TNFRSF10C: variants seen among roughly 807,000 people sequenced by gnomAD.
The protein encoded by TNFRSF10C is TNF receptor superfamily member 10c.
In TNFRSF10C, 17 loss-of-function variants were observed where a neutral mutation model predicts 16.7. The observed-to-expected ratio is 1.02, with a 90% confidence interval of 0.70 to 1.53. TNFRSF10C has a LOEUF of 1.53. Ranked by LOEUF, TNFRSF10C falls within the 40% of genes most tolerant of loss-of-function variation. TNFRSF10C has a pLI of 0.00. For synonymous variants in TNFRSF10C, 73 were observed against 119.7 expected (o/e 0.61, Z 2.55); for missense variants, 237 against 329.7 (o/e 0.72, Z 2.18).
intron 4 of TNFRSF10C, 118 bp from the exon 5 acceptor site, chr8:23,116,523 G>T: frequency 2.9e-6 from 4 of 1,392,662 alleles, no homozygotes; most frequent in Non-Finnish European, 3.9e-6. Flanking sequence ...CCAGACAGGA[G>T]CCTGTCCTTC....
chr8:23,103,057 C>T lies in TNFRSF10C; in HGVS notation c.-65C>T, dbSNP rs1256974553. 6.3e-7 allele frequency: 1 copy of T among 1,580,794 alleles called. No homozygotes were observed. The highest frequency in any genetic ancestry group is 8.6e-7 in the Non-Finnish European group (1 of 1,163,776). On this transcript the variant is annotated 5_prime_UTR_variant, in exon 1 of 5. Coordinates refer to ENST00000356864, the MANE Select transcript of TNFRSF10C (RefSeq NM_003841.5). The stretch of plus-strand genomic sequence containing the variant: ...TTAGGGAACTCTGGGGACAGAGCGC[C>T]CCGGCCGCCTGATGGCCGAGGCAGG...
Position 23,111,733 on chromosome 8 carries a change from C to T in TNFRSF10C, c.74C>T (p.Ser25Phe). The change falls in exon 2 of 5, where the codon TCT becomes TTT. Residue 25 changes from serine to phenylalanine, a missense_variant. Physicochemically the swap from Ser to Phe is radical, Grantham distance 155. Around this residue, in one of 2 missense-constraint regions of TNFRSF10C, gnomAD observed 212 missense variants for 196.8 expected, o/e 1.08. Transcript: ENST00000356864. ...VAVLLPVLAY[S>F]ATTARQEEVP... The stretch of plus-strand genomic sequence containing the variant: ...TTGTCCCCACAGGTCCTAGCTTACT[C>T]TGCCACCACTGCCCGGCAGGAGGAA... 1 of 1,613,940 alleles carries T rather than the reference C, an allele frequency of 6.2e-7. No homozygotes were observed. Among genetic ancestry groups the T allele is most frequent in the South Asian group, 1.1e-5 (1 of 91,046 alleles).
chr8:23,103,260 G>A (rs747998096), intron 1 of TNFRSF10C, 79 bp downstream of exon 1: 204 of 1,561,730 alleles, frequency 1.3e-4, no homozygotes, highest in Non-Finnish European at 1.6e-4. Context: ...GGACACGGCA[G>A]GGATGCCTGG....
In TNFRSF10C at chr8:23,103,102, A is replaced by T; in HGVS notation, c.-20A>T. On this transcript the variant is annotated 5_prime_UTR_variant, in exon 1 of 5. Coordinates refer to ENST00000356864, the MANE Select transcript of TNFRSF10C (RefSeq NM_003841.5). ...GGCAGGGTGCGACCCAGGACCCAGG[A>T]CGGCGTCGGGAACCATACCATGGCC... is the stretch of plus-strand genomic sequence containing the variant. 2 of 1,607,888 alleles carry T rather than the reference A, an allele frequency of 1.2e-6. No homozygotes were observed. The highest frequency in any genetic ancestry group is 1.7e-6 in the Non-Finnish European group (2 of 1,177,636).
intron 2 of TNFRSF10C, among the ~76,000 whole-genome samples, chr8:23,112,962 C>CCAT (rs35714727): frequency 0.94 from 143,433 of 152,052 alleles, 67,730 homozygotes; most frequent in African/African-American, 0.99. Context: ...CTTTTTCTCC[C>CCAT]CATCATCAAC....
At chr8:23,104,100 G>A (rs1813723634) in intron 1 of TNFRSF10C, among the ~76,000 whole-genome samples, 1 of 152,200 alleles carries the variant, frequency 6.6e-6, no homozygotes, top group Non-Finnish European at 1.5e-5. Context: ...TATAGTGGGT[G>A]GACTTACCTG....
chr8:23,114,176 G>A (rs540068665), intron 2 of TNFRSF10C, among the ~76,000 whole-genome samples: 2 of 152,238 alleles, frequency 1.3e-5, no homozygotes, highest in East Asian at 1.9e-4. Flanking sequence ...GGTTTCGGGG[G>A]CTTGGGGAGA....
At chr8:23,107,883 G>A (rs1013993593) in intron 1 of TNFRSF10C, among the ~76,000 whole-genome samples, 5 of 152,232 alleles carry the variant, frequency 3.3e-5, no homozygotes, top group African/African-American at 7.2e-5. Flanking sequence ...GATGTTGTCT[G>A]TTGAAAGTAA....
At chr8:23,110,317 G>T (rs1372683206) in intron 1 of TNFRSF10C, among the ~76,000 whole-genome samples, 1 of 152,148 alleles carries the variant, frequency 6.6e-6, no homozygotes, top group Admixed American at 6.6e-5. Flanking sequence ...GCTACATTTT[G>T]TCTTGTTTAG....
intron 4 of TNFRSF10C, 138 bp from the exon 5 acceptor site, chr8:23,116,503 G>C: frequency 8.0e-7 from 1 of 1,249,450 alleles, no homozygotes; most frequent in Non-Finnish European, 1.1e-6. Flanking sequence ...GGGAACTTGG[G>C]GGACCCCCTC....
intron 1 of TNFRSF10C, among the ~76,000 whole-genome samples, chr8:23,105,452 G>A (rs1376938964): frequency 6.6e-6 from 1 of 152,196 alleles, no homozygotes; most frequent in Non-Finnish European, 1.5e-5. Context: ...GAAGACTAGG[G>A]TGGAGCACCA....
At position 23,114,639 on chromosome 8, in the gene TNFRSF10C, T is replaced by C. The variant is rs1292648175; in HGVS notation, c.167-18T>C. The C allele has an allele frequency of 1.2e-6, 2 of 1,604,202 alleles. No homozygotes were observed. Among genetic ancestry groups the C allele is most frequent in the Admixed American group, 1.7e-5 (1 of 59,944 alleles). On this transcript the variant is annotated intron_variant, in intron 2 of 4. Transcript: ENST00000356864. ...ATTCTGTGGTGACTCATTCATTGGC[T>C]TTTCTCTTCCTTCCCAGGATCTCAT...
intron 1 of TNFRSF10C, among the ~76,000 whole-genome samples, chr8:23,108,929 A>G (rs1813826546): frequency 6.6e-6 from 1 of 151,762 alleles, no homozygotes; most frequent in African/African-American, 2.4e-5. Context: ...AATCAGTAAC[A>G]ATATCCACAG....
rs1814009327 is a variant in TNFRSF10C at position 23,117,240 on chromosome 8, C to G, written c.*209C>G. 2 of 732,102 alleles carry G rather than the reference C, an allele frequency of 2.7e-6. No individual in the cohort carries two copies. Among genetic ancestry groups the G allele is most frequent in the Non-Finnish European group, 4.4e-6 (2 of 458,378 alleles). 45.4% of individuals were successfully genotyped at this position (732,102 alleles called of 1,614,324 possible). On this transcript the variant is annotated 3_prime_UTR_variant, in exon 5 of 5. Transcript: ENST00000356864. ...CGTCCCATCCCCACATCCCGTGCACCCCCCAGGACCCTGGTCTCATCAGTC... is the reference window on the plus strand; with the variant it reads ...CGTCCCATCCCCACATCCCGTGCACGCCCCAGGACCCTGGTCTCATCAGTC...
Position 23,117,353 on chromosome 8 carries a change from A to AG in TNFRSF10C, c.*327dup. ...CTCCCATCTTCAGGCCCAGCCAGGC[A>AG]GGGGGCAGTCGGCTCCTCAACTGGG... On this transcript the variant is annotated 3_prime_UTR_variant, in exon 5 of 5. Transcript: ENST00000356864. 2.2e-6 allele frequency: 1 copy of AG among 456,102 alleles called. No individual in the cohort carries two copies. The highest frequency in any genetic ancestry group is 3.9e-6 in the Non-Finnish European group (1 of 254,592). The allele number at this position is 456,102 out of a possible 1,614,324, so 28.3% of individuals were successfully genotyped here. A position where few individuals can be genotyped will look rare whatever the true frequency, so the allele number is the denominator to read the frequency against.
In TNFRSF10C at chr8:23,115,489, C is replaced by T; in HGVS notation, c.281-19C>T. 6.2e-6 allele frequency: 10 copies of T among 1,605,098 alleles called. No homozygotes were observed. Among genetic ancestry groups the T allele is most frequent in the Non-Finnish European group, 7.7e-6 (9 of 1,172,898 alleles). On this transcript the variant is annotated intron_variant, in intron 3 of 4. Coordinates refer to ENST00000356864, the MANE Select transcript of TNFRSF10C (RefSeq NM_003841.5). The stretch of plus-strand genomic sequence containing the variant: ...ACATCAGGGAAACACATTCCCAAAA[C>T]CTTATGCTCTGTTGTCAGATCAAAA...
chr8:23,114,479 G>C, intron 2 of TNFRSF10C, 178 bp from the exon 3 acceptor site: 1 of 456,038 alleles, frequency 2.2e-6, no homozygotes, highest in Non-Finnish European at 4.0e-6. Context: ...TTATATTTCT[G>C]TCAGCAGTGC....
At chr8:23,111,640 G>C in intron 1 of TNFRSF10C, 80 bp from the exon 2 acceptor site, 1 of 1,096,510 alleles carries the variant, frequency 9.1e-7, no homozygotes, top group Non-Finnish European at 1.4e-6. Flanking sequence ...TGTCACTTGG[G>C]GTGAAGGGAA....
intron 1 of TNFRSF10C, among the ~76,000 whole-genome samples, chr8:23,106,334 T>C (rs1813775095): frequency 6.6e-6 from 1 of 151,800 alleles, no homozygotes; most frequent in African/African-American, 2.4e-5. Flanking sequence ...CCATAGGATG[T>C]GGTACTGTTG....
Sources: gnomAD v4.1 joint callset for allele counts (sites outside exome capture counted in the v4.1 genomes callset) on GRCh38, gnomAD v4.1.1 for gene constraint, gnomAD v4.1.1 regional missense constraint, MANE v1.5 for transcripts, NCBI Gene and HGNC (gene_info 2026-07-23, HGNC 2026-07-21) for gene names.